Variants in BMP6 observed in about 807,000 individuals in gnomAD.
BMP6 encodes VG-1-R.
BMP6 carries 17 observed loss-of-function variants against 54.1 expected under a neutral mutation model. That is an observed-to-expected ratio of 0.31 (90% confidence interval 0.22 to 0.47). The LOEUF is 0.47. Among genes scored for constraint, BMP6 ranks in the 20% least tolerant of loss-of-function variants. The pLI is 1.00. For missense variants in BMP6, 720 were observed against 690.4 expected (o/e 1.04, Z -0.48); for synonymous variants, 328 against 291.2 (o/e 1.13, Z -1.28).
intron 1 of BMP6, among the ~76,000 whole-genome samples, chr6:7,762,881 T>C (rs1226102): frequency 3.3e-5 from 5 of 152,032 alleles, no homozygotes; most frequent in African/African-American, 1.2e-4. Context: ...TAAGCCGCCG[T>C]GCGACGCAGA....
rs1377358140 is a variant in BMP6, at chr6:7,727,195, G to T, written c.240G>T (p.Gln80His). ...AGACGCAGGAGAAGCGGGAGATGCA[G>T]AAGGAGATCTTGTCGGTGCTGGGGC... ...RLKTQEKREM[Q>H]KEILSVLGLP... Residue 80 changes from glutamine to histidine, a missense_variant, in exon 1 of 7, where the codon CAG (glutamine) becomes CAT (histidine). Physicochemically the swap from Gln to His is conservative, Grantham distance 24. Around this residue, in one of 3 missense-constraint regions of BMP6, gnomAD observed 650 missense variants for 556.3 expected, o/e 1.17. Transcript: ENST00000283147. The T allele has an allele frequency of 1.2e-6, 2 of 1,604,282 alleles. No homozygotes were observed. Among genetic ancestry groups the T allele is most frequent in the Middle Eastern group, 1.7e-4 (1 of 6,010 alleles).
intron 1 of BMP6, among the ~76,000 whole-genome samples, chr6:7,743,754 G>C (rs574051945): frequency 5.3e-5 from 8 of 152,290 alleles, no homozygotes; most frequent in African/African-American, 1.9e-4. Context: ...TATGTCACCA[G>C]AACATTTCAC....
At chr6:7,747,032 CT>C (rs1451819425) in intron 1 of BMP6, among the ~76,000 whole-genome samples, 1 of 152,196 alleles carries the variant, frequency 6.6e-6, no homozygotes, top group African/African-American at 2.4e-5. Context: ...TCCTTTCTAC[CT>C]TCTGAACGAA....
chr6:7,772,328 T>C (rs1757802451), intron 1 of BMP6, among the ~76,000 whole-genome samples: 1 of 152,236 alleles, frequency 6.6e-6, no homozygotes, highest in South Asian at 2.1e-4. Flanking sequence ...TACAGAATTA[T>C]ACCTGTTGGG....
chr6:7,881,670 T>C lies in BMP6; in HGVS notation c.*1327T>C, dbSNP rs1759745239. The C allele has an allele frequency of 6.6e-6, 1 of 152,172 alleles. No homozygotes were observed. The allele number at this position is 152,172 out of a possible 1,614,324, so 9.4% of individuals were successfully genotyped here. A position where few individuals can be genotyped will look rare whatever the true frequency, so the allele number is the denominator to read the frequency against. ...TGTGCTTCTCTAGGAGGTTGGGTTTTTTTAAAAAAAGAATTATCTGTGAAC... is the reference window on the plus strand; with the variant it reads ...TGTGCTTCTCTAGGAGGTTGGGTTTCTTTAAAAAAAGAATTATCTGTGAAC... On this transcript the variant is annotated 3_prime_UTR_variant, in exon 7 of 7. Transcript: ENST00000283147.
chr6:7,827,393 T>C (rs1758714178), intron 1 of BMP6, among the ~76,000 whole-genome samples: 1 of 152,240 alleles, frequency 6.6e-6, no homozygotes, highest in Admixed American at 6.5e-5. Context: ...ATGTGCTCTC[T>C]GGTGCTACAC....
At chr6:7,823,818 A>C (rs972468638) in intron 1 of BMP6, among the ~76,000 whole-genome samples, 4 of 152,210 alleles carry the variant, frequency 2.6e-5, no homozygotes, top group African/African-American at 7.2e-5. Flanking sequence ...GAATGAAGCT[A>C]GGTCAGAGAG....
chr6:7,754,827 C>T (rs988719498), intron 1 of BMP6, among the ~76,000 whole-genome samples: 2 of 152,130 alleles, frequency 1.3e-5, no homozygotes, highest in Non-Finnish European at 2.9e-5. Context: ...AAGCCATTCT[C>T]CTACCTCAGC....
At chr6:7,878,652 C>T (rs181989095) in intron 4 of BMP6, among the ~76,000 whole-genome samples, 16 of 135,168 alleles carry the variant, frequency 1.2e-4, no homozygotes, top group Non-Finnish European at 3.1e-5. Context: ...TCTTGAAAGC[C>T]CCTGTGCAGT....
chr6:7,790,008 A>G (rs923735607), intron 1 of BMP6, among the ~76,000 whole-genome samples: 1 of 152,124 alleles, frequency 6.6e-6, no homozygotes, highest in Non-Finnish European at 1.5e-5. Flanking sequence ...TCTGTGTCCA[A>G]AGACCTGGGC....
At chr6:7,783,800 T>C in intron 1 of BMP6, among the ~76,000 whole-genome samples, 1 of 152,390 alleles carries the variant, frequency 6.6e-6, no homozygotes, top group East Asian at 1.9e-4. Flanking sequence ...AGTTCACCTC[T>C]TCTTCATGGA....
intron 1 of BMP6, among the ~76,000 whole-genome samples, chr6:7,840,613 CGTTT>C (rs1235475754): frequency 8.6e-5 from 13 of 151,992 alleles, no homozygotes; most frequent in Non-Finnish European, 1.9e-4. Flanking sequence ...TATAAAGCTT[CGTTT>C]GTTCAGTATG....
chr6:7,772,892 A>G (rs893488043), intron 1 of BMP6, among the ~76,000 whole-genome samples: 3 of 152,148 alleles, frequency 2.0e-5, no homozygotes, highest in Non-Finnish European at 2.9e-5. Context: ...TGATCTGATT[A>G]CTTTCATGCT....
At chr6:7,786,163 AT>A (rs912241164) in intron 1 of BMP6, among the ~76,000 whole-genome samples, 6 of 151,750 alleles carry the variant, frequency 4.0e-5, no homozygotes, top group South Asian at 2.1e-4. Context: ...TTTTCTCTGG[AT>A]TTTTTTTTCC....
Position 7,880,187 on chromosome 6 carries a change from G to T in BMP6, c.1393-7G>T, listed in dbSNP as rs1174475622. 6.8e-6 allele frequency: 11 copies of T among 1,614,098 alleles called. No individual in the cohort carries two copies. The highest frequency in any genetic ancestry group is 9.3e-6 in the Non-Finnish European group (11 of 1,180,012). ...AAGGTACCTTCTCCCCTTCTGTTTT[G>T]GAACAGGTTCACCTTATGAACCCCG... On this transcript the variant is annotated splice_polypyrimidine_tract_variant and splice_region_variant and intron_variant, in intron 6 of 6. Transcript: ENST00000283147.
At chr6:7,826,906 C>G (rs995835294) in intron 1 of BMP6, among the ~76,000 whole-genome samples, 3 of 152,112 alleles carry the variant, frequency 2.0e-5, no homozygotes, top group Non-Finnish European at 4.4e-5. Context: ...TCCAGACAGA[C>G]CCCTCTCCAC....
At position 7,881,267 on chromosome 6, in the gene BMP6, G is replaced by A. The variant is rs1222045349; in HGVS notation, c.*924G>A. 1 of 152,652 alleles carries A rather than the reference G, an allele frequency of 6.6e-6. No individual in the cohort carries two copies. Among genetic ancestry groups the A allele is most frequent in the Admixed American group, 6.5e-5 (1 of 15,288 alleles). The allele number at this position is 152,652 out of a possible 1,614,324, so 9.5% of individuals were successfully genotyped here. On this transcript the variant is annotated 3_prime_UTR_variant, in exon 7 of 7. Coordinates refer to ENST00000283147, the MANE Select transcript of BMP6 (RefSeq NM_001718.6). ...CTTATAAGAATGGTGTTAGGGGGAT[G>A]AGCATGCTGTTTATGAACGGAAATC...
At chr6:7,796,290 G>A (rs1474842439) in intron 1 of BMP6, among the ~76,000 whole-genome samples, 1 of 152,230 alleles carries the variant, frequency 6.6e-6, no homozygotes, top group African/African-American at 2.4e-5. Context: ...TTGCCAGAGG[G>A]AACACATTGG....
chr6:7,805,622 A>T (rs1758336075), intron 1 of BMP6, among the ~76,000 whole-genome samples: 1 of 152,254 alleles, frequency 6.6e-6, no homozygotes, highest in African/African-American at 2.4e-5. Flanking sequence ...GAGGTTTCAG[A>T]TAACAGAAAT....
Sources: gnomAD v4.1 joint callset for allele counts (sites outside exome capture counted in the v4.1 genomes callset) on GRCh38, gnomAD v4.1.1 for gene constraint, gnomAD v4.1.1 regional missense constraint, MANE v1.5 for transcripts, NCBI Gene and HGNC (gene_info 2026-07-23, HGNC 2026-07-21) for gene names.